The following SULF2 variants were observed in gnomAD, a reference collection of about 807,000 sequenced individuals.
SULF2 encodes extracellular sulfatase Sulf-2.
In SULF2, 52 loss-of-function variants were observed where a neutral mutation model predicts 107.7. The ratio of observed to expected loss-of-function variants is 0.48; its 90% CI spans 0.39 to 0.61. The LOEUF (loss-of-function observed/expected upper bound fraction) is 0.61. Among genes scored for constraint, SULF2 ranks in the 20% least tolerant of loss-of-function variants. The pLI is 0.00. For missense variants in SULF2, 993 were observed against 1,177.3 expected, an observed-to-expected ratio of 0.84 and a Z score of 2.29; for synonymous variants, 460 against 464.3, an observed-to-expected ratio of 0.99 and a Z score of 0.12.
At chr20:47,686,769 G>A (rs1216510494) in intron 5 of SULF2, among the ~76,000 whole-genome samples, 1 of 152,196 alleles carries the variant, frequency 6.6e-6, no homozygotes, top group African/African-American at 2.4e-5. Flanking sequence ...CGGGAGGTGA[G>A]TCACTGTCTC....
In SULF2 at chr20:47,727,873, T is replaced by C. The variant is rs1056711551; in HGVS notation, c.415+8830A>G. ...TTGCTCAAAACAAGTGCTTCACTTATTTTGAAATCTGAGGTCTTAGAGAAA... is the reference window on the plus strand; with the variant it reads ...TTGCTCAAAACAAGTGCTTCACTTACTTTGAAATCTGAGGTCTTAGAGAAA... On this transcript the variant is annotated intron_variant, in intron 3 of 20. Coordinates refer to ENST00000688720, the MANE Select transcript of SULF2 (RefSeq NM_001387048.1). 3.3e-5 allele frequency among the ~76,000 whole-genome samples: 5 copies of C among 152,366 alleles called. No homozygotes were observed. In the South Asian group the frequency reaches 8.3e-4, roughly 25 times the overall value.
At position 47,683,131 on chromosome 20, in the gene SULF2, G is replaced by C. The variant is rs747663613; in HGVS notation, c.927C>G (p.Asn309Lys). Reference protein sequence around the residue: ...NMLVETGELDNTYIVYTADHG... With the variant: ...NMLVETGELDKTYIVYTADHG... The stretch of plus-strand genomic sequence containing the variant: ...GGTCGGCGGTGTATACGATGTACGT[G>C]TTGTCCAGCTCGCCCGTCTCAACCA... Residue 309 changes from asparagine (N) to lysine (K), a missense_variant, in exon 7 of 21, where the codon AAC (asparagine) becomes AAG (lysine). Physicochemically the swap from Asn to Lys is moderately conservative, Grantham distance 94. Around this residue, in one of 3 missense-constraint regions of SULF2, gnomAD observed 388 missense variants for 449.2 expected, o/e 0.86. Coordinates refer to ENST00000688720, the MANE Select transcript of SULF2 (RefSeq NM_001387048.1). 1 of 1,611,720 alleles carries C rather than the reference G, an allele frequency of 6.2e-7. No homozygotes were observed. The highest frequency in any genetic ancestry group is 8.5e-7 in the Non-Finnish European group (1 of 1,178,414).
At chr20:47,717,195 A>G (rs2089149494) in intron 3 of SULF2, among the ~76,000 whole-genome samples, 2 of 152,194 alleles carry the variant, frequency 1.3e-5, no homozygotes, top group Non-Finnish European at 2.9e-5. Context: ...AGATCCTGGG[A>G]CCACGCTTTG....
intron 7 of SULF2, among the ~76,000 whole-genome samples, chr20:47,682,217 A>G (rs927350544): frequency 6.6e-6 from 1 of 152,236 alleles, no homozygotes; most frequent in African/African-American, 2.4e-5. Context: ...TCAGTCTGGA[A>G]TTCCACACTG....
intron 3 of SULF2, among the ~76,000 whole-genome samples, chr20:47,733,723 A>AG (rs1325987332): frequency 6.6e-6 from 1 of 152,236 alleles, no homozygotes; most frequent in East Asian, 1.9e-4. Context: ...TAGTGAGCTG[A>AG]GACTGTGCCA....
intron 3 of SULF2, among the ~76,000 whole-genome samples, chr20:47,704,064 T>G (rs1433770960): frequency 6.6e-6 from 1 of 152,162 alleles, no homozygotes; most frequent in Non-Finnish European, 1.5e-5. Context: ...TCTTGTTCTA[T>G]TTCTTGCTGG....
intron 7 of SULF2, among the ~76,000 whole-genome samples, chr20:47,682,434 C>T (rs1211821528): frequency 2.6e-5 from 4 of 152,232 alleles, no homozygotes; most frequent in African/African-American, 7.2e-5. Flanking sequence ...GTGGCCTGTC[C>T]GCTCCCCTGC....
intron 4 of SULF2, among the ~76,000 whole-genome samples, chr20:47,699,001 A>G (rs930381150): frequency 3.3e-5 from 5 of 152,208 alleles, no homozygotes; most frequent in Admixed American, 2.0e-4. Context: ...ATTGCACTCC[A>G]GTCTGGGCAA....
intron 4 of SULF2, among the ~76,000 whole-genome samples, chr20:47,700,036 G>C (rs1338756561): frequency 6.6e-6 from 1 of 152,204 alleles, no homozygotes; most frequent in East Asian, 1.9e-4. Context: ...GGATGGATTT[G>C]GCAGCTGGTC....
At chr20:47,675,180 T>C (rs948936809) in intron 10 of SULF2, among the ~76,000 whole-genome samples, 9 of 152,190 alleles carry the variant, frequency 5.9e-5, no homozygotes, top group African/African-American at 2.2e-4. Flanking sequence ...AAAGACTTCC[T>C]GGCCTCCTCA....
In SULF2 at chr20:47,742,927, A is replaced by ATTTTTTTTTTTTTTTTTT. The variant is rs397837137; in HGVS notation, c.176-6003_176-5986dup. ...AGGGAGTTTCAGGATTCAAAACATG[A>ATTTTTTTTTTTTTTTTTT]TTTTTTTTTTTTTTTTTTTTTTTTT... On this transcript the variant is annotated intron_variant, in intron 2 of 20. Transcript: ENST00000688720. Among the ~76,000 whole-genome samples, 4 of 99,452 alleles carry ATTTTTTTTTTTTTTTTTT rather than the reference A, an allele frequency of 4.0e-5. 1 individual carries two copies. The highest frequency in any genetic ancestry group is 3.9e-5 in the Non-Finnish European group (2 of 50,786). The allele number at this position is 99,452 out of a possible 152,430, so 65.2% of individuals were successfully genotyped here.
chr20:47,690,042 G>A (rs1006592257), intron 5 of SULF2, 84 bp downstream of exon 5: 1 of 1,235,430 alleles, frequency 8.1e-7, no homozygotes. Context: ...GTGAAGTCAT[G>A]GTGGTGACAG....
Position 47,658,406 on chromosome 20 carries a change from C to G in SULF2, c.2583-14G>C, listed in dbSNP as rs761910667. 2.4e-5 allele frequency: 38 copies of G among 1,614,012 alleles called. No individual in the cohort carries two copies. In the South Asian group the frequency reaches 3.8e-4, roughly 16 times the overall value. Reference sequence around the variant, plus strand: ...CACAGTTGTCCCCTAAAGAACAAAACAAACTCATCTTAGCACTTAGCTATC... The same window carrying G: ...CACAGTTGTCCCCTAAAGAACAAAAGAAACTCATCTTAGCACTTAGCTATC... On this transcript the variant is annotated splice_polypyrimidine_tract_variant and intron_variant, in intron 20 of 20. Transcript: ENST00000688720.
chr20:47,757,418 G>GA lies in SULF2; in HGVS notation c.-56_-55insT. 1 of 1,504,410 alleles carries GA rather than the reference G, an allele frequency of 6.6e-7. No individual in the cohort carries two copies. The highest frequency in any genetic ancestry group is 2.5e-5 in the East Asian group (1 of 40,608). 93.2% of individuals were successfully genotyped at this position (1,504,410 alleles called of 1,614,324 possible). On this transcript the variant is annotated 5_prime_UTR_variant, in exon 2 of 21. Coordinates refer to ENST00000688720, the MANE Select transcript of SULF2 (RefSeq NM_001387048.1). The stretch of plus-strand genomic sequence containing the variant: ...TTGGGATGCGGGAGTCTCAAGTTGC[G>GA]TCTGTGGCTTTGTTTCTTTTCCCTC...
chr20:47,686,372 AAACCGC>A (rs1250972993), intron 5 of SULF2: 1 of 152,282 alleles, frequency 6.6e-6, no homozygotes, highest in Non-Finnish European at 1.5e-5. Context: ...GAGCTACTGA[AAACCGC>A]AGCATGGGGG....
chr20:47,714,747 C>T (rs1449230270), intron 3 of SULF2, among the ~76,000 whole-genome samples: 1 of 152,154 alleles, frequency 6.6e-6, no homozygotes, highest in Non-Finnish European at 1.5e-5. Flanking sequence ...GCATCTGCCC[C>T]CACTTTCCCC....
intron 2 of SULF2, among the ~76,000 whole-genome samples, chr20:47,751,217 G>A (rs2090151241): frequency 1.3e-5 from 2 of 152,154 alleles, no homozygotes; most frequent in Admixed American, 1.3e-4. Flanking sequence ...GCCATGTGAG[G>A]GTGTCACGAG....
At chr20:47,698,463 T>C (rs895529408) in intron 4 of SULF2, among the ~76,000 whole-genome samples, 9 of 152,002 alleles carry the variant, frequency 5.9e-5, no homozygotes, top group Non-Finnish European at 1.3e-4. Flanking sequence ...TGCTTGCAGC[T>C]GGCCAGGAAG....
At chr20:47,752,026 C>T (rs553380883) in intron 2 of SULF2, among the ~76,000 whole-genome samples, 1 of 152,226 alleles carries the variant, frequency 6.6e-6, no homozygotes, top group South Asian at 2.1e-4. Context: ...TGGGTGCCAG[C>T]TCACCTGCAT....
Sources: gnomAD v4.1 joint callset for allele counts (sites outside exome capture counted in the v4.1 genomes callset) on GRCh38, gnomAD v4.1.1 for gene constraint, gnomAD v4.1.1 regional missense constraint, MANE v1.5 for transcripts, NCBI Gene and HGNC (gene_info 2026-07-23, HGNC 2026-07-21) for gene names.